The following TOM1L2 variants were observed in gnomAD, a reference collection of about 807,000 sequenced individuals.
TOM1L2 encodes target of myb1 like 2 membrane trafficking protein, also known as TOM1-like protein 2.
In TOM1L2, 31 loss-of-function variants were observed where a neutral mutation model predicts 67.9. The ratio of observed to expected loss-of-function variants is 0.46; its 90% CI spans 0.34 to 0.62. The LOEUF (loss-of-function observed/expected upper bound fraction) is 0.62, where lower values mean the gene tolerates loss of function less well. Ranked by LOEUF, TOM1L2 falls within the 20% of genes least tolerant of loss-of-function variation. TOM1L2 has a pLI of 0.01. For synonymous variants in TOM1L2, 256 were observed against 254.0 expected (o/e 1.01, Z -0.07); for missense variants, 606 against 663.5 (o/e 0.91, Z 0.95).
intron 1 of TOM1L2, among the ~76,000 whole-genome samples, chr17:17,953,279 CA>C (rs1248915403): frequency 6.6e-6 from 1 of 151,792 alleles, no homozygotes; most frequent in Non-Finnish European, 1.5e-5. Flanking sequence ...GACTCTGTCT[CA>C]AAAAAATATA....
intron 3 of TOM1L2, among the ~76,000 whole-genome samples, chr17:17,894,186 C>G (rs1449874635): frequency 6.6e-6 from 1 of 152,168 alleles, no homozygotes; most frequent in Non-Finnish European, 1.5e-5. Context: ...ATTAGCCAAT[C>G]GGACATGGGC....
At chr17:17,864,746 A>C (rs543459051) in intron 10 of TOM1L2, among the ~76,000 whole-genome samples, 1 of 152,076 alleles carries the variant, frequency 6.6e-6, no homozygotes, top group East Asian at 1.9e-4. Flanking sequence ...TCCTGACTTC[A>C]GGTGATCCAC....
chr17:17,971,378 A>G (rs2042073617), intron 1 of TOM1L2, among the ~76,000 whole-genome samples: 1 of 152,150 alleles, frequency 6.6e-6, no homozygotes, highest in African/African-American at 2.4e-5. Flanking sequence ...TTCCCAGTCC[A>G]GGGCTCTTAT....
intron 7 of TOM1L2, chr17:17,869,735 C>A: frequency 8.9e-7 from 1 of 1,129,216 alleles, no homozygotes; most frequent in Non-Finnish European, 1.1e-6. Context: ...TTGTACAAAT[C>A]ATTAAAAAAT....
intron 1 of TOM1L2, among the ~76,000 whole-genome samples, chr17:17,949,392 C>A (rs2041089989): frequency 1.3e-5 from 2 of 152,216 alleles, no homozygotes; most frequent in Non-Finnish European, 2.9e-5. Flanking sequence ...TCTCAGCCCC[C>A]AAGGAGGCCC....
intron 4 of TOM1L2, among the ~76,000 whole-genome samples, chr17:17,893,031 A>T (rs538612111): frequency 1.3e-5 from 2 of 152,362 alleles, no homozygotes; most frequent in Admixed American, 6.5e-5. Context: ...CCTGGCCCAC[A>T]GAAACTAAGA....
chr17:17,938,125 G>A (rs1473080394), intron 1 of TOM1L2, among the ~76,000 whole-genome samples: 1 of 152,192 alleles, frequency 6.6e-6, no homozygotes, highest in Non-Finnish European at 1.5e-5. Context: ...AATGGGAAGA[G>A]GAGAGGACCC....
intron 1 of TOM1L2, among the ~76,000 whole-genome samples, chr17:17,962,753 G>T (rs1436949628): frequency 6.6e-6 from 1 of 152,058 alleles, no homozygotes; most frequent in Non-Finnish European, 1.5e-5. Context: ...AAGGTCAAGA[G>T]ATCGAGACCA....
chr17:17,884,475 C>T (rs1470087966), intron 5 of TOM1L2, among the ~76,000 whole-genome samples, 159 bp downstream of exon 5: 1 of 152,202 alleles, frequency 6.6e-6, no homozygotes, highest in Non-Finnish European at 1.5e-5. Flanking sequence ...TGTCTCACTC[C>T]TGCATGCCCC....
At chr17:17,887,708 T>A (rs2038070071) in intron 4 of TOM1L2, among the ~76,000 whole-genome samples, 1 of 152,198 alleles carries the variant, frequency 6.6e-6, no homozygotes, top group African/African-American at 2.4e-5. Context: ...ACTCCTGGAC[T>A]CAAGGGATTC....
rs34681423 is a variant in TOM1L2, at chr17:17,875,269, GAA to G, written c.777+4356_777+4357del. 4.8e-3 allele frequency among the ~76,000 whole-genome samples: 606 copies of G among 126,594 alleles called. 3 individuals are homozygous for G. The highest frequency in any genetic ancestry group is 8.4e-3 in the Non-Finnish European group (522 of 62,404). The allele number at this position is 126,594 out of a possible 152,430, so 83.1% of individuals were successfully genotyped here. A position where few individuals can be genotyped will look rare whatever the true frequency, so the allele number is the denominator to read the frequency against. On this transcript the variant is annotated intron_variant, in intron 7 of 14. Coordinates refer to ENST00000379504, the MANE Select transcript of TOM1L2 (RefSeq NM_001082968.2). ...AGACTCCTTCTCAAAAAGAAAAAAA[GAA>G]AAAAAAAAAAAAAGGACAGAAGGTG...
chr17:17,958,265 G>T (rs974702196), intron 1 of TOM1L2, among the ~76,000 whole-genome samples: 1 of 152,140 alleles, frequency 6.6e-6, no homozygotes, highest in Non-Finnish European at 1.5e-5. Context: ...AAGTCTCACA[G>T]CAAATCAGCA....
At chr17:17,939,599 G>T (rs1230108516) in intron 1 of TOM1L2, among the ~76,000 whole-genome samples, 1 of 152,064 alleles carries the variant, frequency 6.6e-6, no homozygotes, top group Non-Finnish European at 1.5e-5. Flanking sequence ...AAATCTAATA[G>T]GTCATGAGTT....
intron 4 of TOM1L2, among the ~76,000 whole-genome samples, chr17:17,891,784 CGT>C (rs374192888): frequency 0.062 from 8,822 of 142,826 alleles, 260 homozygotes; most frequent in African/African-American, 0.079. Context: ...TGCATGCACA[CGT>C]GTGTGTGTGT....
chr17:17,874,018 C>A (rs1179497252), intron 7 of TOM1L2, among the ~76,000 whole-genome samples: 3 of 151,676 alleles, frequency 2.0e-5, no homozygotes, highest in Non-Finnish European at 4.4e-5. Flanking sequence ...TGCAGTGGCA[C>A]AATCTCGGCT....
At chr17:17,857,477 G>GGAGCTC (rs1307686262) in intron 12 of TOM1L2, among the ~76,000 whole-genome samples, 2 of 152,098 alleles carry the variant, frequency 1.3e-5, no homozygotes, top group African/African-American at 2.4e-5. Flanking sequence ...AATACTGCTC[G>GGAGCTC]GAGCTCCGGA....
intron 6 of TOM1L2, among the ~76,000 whole-genome samples, chr17:17,880,057 A>G (rs1048848544): frequency 2.0e-5 from 3 of 152,106 alleles, no homozygotes; most frequent in Admixed American, 6.5e-5. Context: ...CGGCTCTCCC[A>G]CCACGGGAAC....
chr17:17,937,054 G>C (rs1285396226), intron 1 of TOM1L2, among the ~76,000 whole-genome samples: 2 of 152,156 alleles, frequency 1.3e-5, no homozygotes, highest in African/African-American at 4.8e-5. Context: ...CTGACCCATA[G>C]CATGTTGTGA....
intron 6 of TOM1L2, among the ~76,000 whole-genome samples, chr17:17,879,962 T>C (rs2037632407): frequency 6.6e-6 from 1 of 152,190 alleles, no homozygotes. Context: ...CAACAGTCTG[T>C]TGTGCCTCTC....
Sources: allele counts gnomAD v4.1 joint callset (sites outside exome capture counted in the v4.1 genomes callset), GRCh38; gene constraint gnomAD v4.1.1; transcripts MANE v1.5; gene names NCBI Gene and HGNC (gene_info 2026-07-23, HGNC 2026-07-21).